Variants in DCPS observed in about 807,000 individuals in gnomAD.
DCPS encodes m7GpppX diphosphatase.
DCPS carries 27 observed loss-of-function variants against 34.7 expected under a neutral mutation model. The observed-to-expected ratio is 0.78, with a 90% CI of 0.57 to 1.07. The LOEUF is 1.07. Among genes scored for constraint, DCPS ranks in the 50% least tolerant of loss-of-function variants. The pLI is 0.00. For synonymous variants in DCPS, 185 were observed against 185.7 expected, an observed-to-expected ratio of 1.00 and a Z score of 0.03; for missense variants, 464 against 436.9, an observed-to-expected ratio of 1.06 and a Z score of -0.55.
intron 2 of DCPS, among the ~76,000 whole-genome samples, chr11:126,309,852 C>G (rs1434870976): frequency 1.3e-5 from 2 of 152,194 alleles, no homozygotes; most frequent in African/African-American, 4.8e-5. Context: ...TCTCTGTCTC[C>G]TCTTCTTCTT....
chr11:126,349,843 G>A lies in DCPS; in HGVS notation c.*4230G>A, dbSNP rs1040739904. Among the ~76,000 whole-genome samples, 1 of 152,152 alleles carries A rather than the reference G, an allele frequency of 6.6e-6. No individual in the cohort carries two copies. Among genetic ancestry groups the A allele is most frequent in the African/African-American group, 2.4e-5 (1 of 41,428 alleles). ...AATAAATGTTGGCAACCCTAAGTTT[G>A]TTCTATTATAATATTATTGAAATTA... is the stretch of plus-strand genomic sequence containing the variant. On this transcript the variant is annotated 3_prime_UTR_variant, in exon 6 of 6. Coordinates refer to ENST00000263579, the MANE Select transcript of DCPS (RefSeq NM_014026.6). The surrounding 1 kb of genome is among the most constrained non-coding windows in gnomAD (Gnocchi z 5.4).
At position 126,348,121 on chromosome 11, in the gene DCPS, A is replaced by G. The variant is rs1436828480; in HGVS notation, c.*2508A>G. Among the ~76,000 whole-genome samples, 1 of 152,188 alleles carries G rather than the reference A, an allele frequency of 6.6e-6. No homozygotes were observed. The highest frequency in any genetic ancestry group is 2.4e-5 in the African/African-American group (1 of 41,462). ...GTTTGAGGGGCAAGAGAGATGGGAC[A>G]GAGTTCACCCAACAGGACAGACGAG... On this transcript the variant is annotated 3_prime_UTR_variant, in exon 6 of 6. Transcript: ENST00000263579. This position sits in a 1 kb window ranked among gnomAD's most constrained non-coding sequence, Gnocchi z 5.3.
At position 126,345,402 on chromosome 11, in the gene DCPS, A is replaced by C; in HGVS notation, c.803A>C (p.His268Pro). The C allele has an allele frequency of 6.2e-7, 1 of 1,614,198 alleles. No homozygotes were observed. The highest frequency in any genetic ancestry group is 8.5e-7 in the Non-Finnish European group (1 of 1,180,022). ...MKGDHLRVYL[H>P]YLPSYYHLHV... ...GGAGACCATCTGCGAGTATACCTGC[A>C]CTACCTGCCCTCCTACTACCACCTG... Residue 268 changes from histidine to proline, a missense_variant, in exon 6 of 6, where the codon CAC becomes CCC. Transcript: ENST00000263579. The surrounding 1 kb of genome is among the most constrained non-coding windows in gnomAD (Gnocchi z 7.4).
In DCPS at chr11:126,344,800, G is replaced by C. The variant is rs535369089; in HGVS notation, c.748-547G>C. 2.1e-4 allele frequency among the ~76,000 whole-genome samples: 32 copies of C among 152,258 alleles called. No individual in the cohort carries two copies. Among genetic ancestry groups the C allele is most frequent in the African/African-American group, 7.7e-4 (32 of 41,554 alleles). On this transcript the variant is annotated intron_variant, in intron 5 of 5. Transcript: ENST00000263579. The surrounding 1 kb of genome is among the most constrained non-coding windows in gnomAD (Gnocchi z 8.1). Reference sequence around the variant, plus strand: ...CAAGGAGCCCGCTGAGACTTCGCCAGGTCTGTGTGGGAGCAGCCCCTCCCA... The same window carrying C: ...CAAGGAGCCCGCTGAGACTTCGCCACGTCTGTGTGGGAGCAGCCCCTCCCA...
intron 2 of DCPS, among the ~76,000 whole-genome samples, chr11:126,308,253 CA>C (rs1951589874): frequency 6.6e-6 from 1 of 152,196 alleles, no homozygotes. Flanking sequence ...TCCTTCCAAC[CA>C]GCAAATTCTG....
intron 1 of DCPS, among the ~76,000 whole-genome samples, chr11:126,305,242 T>C (rs1354203223): frequency 6.6e-6 from 1 of 151,976 alleles, no homozygotes; most frequent in African/African-American, 2.4e-5. Flanking sequence ...GCCTGCCCAA[T>C]AGCTGGGATT....
Position 126,344,443 on chromosome 11 carries a change from G to A in DCPS, c.748-904G>A, listed in dbSNP as rs950122458. Among the ~76,000 whole-genome samples, 8 of 152,200 alleles carry A rather than the reference G, an allele frequency of 5.3e-5. No individual in the cohort carries two copies. The highest frequency in any genetic ancestry group is 1.0e-4 in the Non-Finnish European group (7 of 68,038). On this transcript the variant is annotated intron_variant, in intron 5 of 5. Coordinates refer to ENST00000263579, the MANE Select transcript of DCPS (RefSeq NM_014026.6). The surrounding 1 kb of genome is among the most constrained non-coding windows in gnomAD (Gnocchi z 8.1). ...CACTTTGACCTGCCCTAGCAGCTCA[G>A]ACAGCTCCACCCTGGCAGACAGACC...
At chr11:126,311,401 G>A (rs537687584) in intron 2 of DCPS, among the ~76,000 whole-genome samples, 9 of 152,362 alleles carry the variant, frequency 5.9e-5, no homozygotes, top group African/African-American at 2.2e-4. Flanking sequence ...TCTAGTAGAA[G>A]CAAGGTCTGT....
At chr11:126,310,654 T>G (rs577085017) in intron 2 of DCPS, among the ~76,000 whole-genome samples, 1 of 149,498 alleles carries the variant, frequency 6.7e-6, no homozygotes, top group East Asian at 2.0e-4. Context: ...GGGCTGGGCA[T>G]TCCACAGCCA....
chr11:126,318,421 C>G (rs1951679238), intron 2 of DCPS, among the ~76,000 whole-genome samples: 1 of 152,224 alleles, frequency 6.6e-6, no homozygotes, highest in Non-Finnish European at 1.5e-5. Flanking sequence ...TTCCCTCCAC[C>G]CTCTGGCCTG....
chr11:126,340,502 C>T (rs1296739879), intron 4 of DCPS, among the ~76,000 whole-genome samples: 1 of 152,138 alleles, frequency 6.6e-6, no homozygotes, highest in Non-Finnish European at 1.5e-5. Context: ...TCTTACTTGA[C>T]TTTTGATGAT....
In DCPS at chr11:126,333,730, G is replaced by A. The variant is rs555569207; in HGVS notation, c.522+2180G>A. On this transcript the variant is annotated intron_variant, in intron 3 of 5. Transcript: ENST00000263579. This position sits in a 1 kb window ranked among gnomAD's most constrained non-coding sequence, Gnocchi z 5.7. Reference sequence around the variant, plus strand: ...AGGCAGGGGCCAGGCGGAGGCACGTGGACTTTGTCCAGGGGGCCAGGAGTT... The same window carrying A: ...AGGCAGGGGCCAGGCGGAGGCACGTAGACTTTGTCCAGGGGGCCAGGAGTT... 3.1e-4 allele frequency among the ~76,000 whole-genome samples: 47 copies of A among 152,330 alleles called. No individual in the cohort carries two copies. Among genetic ancestry groups the A allele is most frequent in the African/African-American group, 1.1e-3 (46 of 41,578 alleles).
chr11:126,345,313 G>A lies in DCPS; in HGVS notation c.748-34G>A, dbSNP rs765472444. On this transcript the variant is annotated intron_variant, in intron 5 of 5. Coordinates refer to ENST00000263579, the MANE Select transcript of DCPS (RefSeq NM_014026.6). The surrounding 1 kb of genome is among the most constrained non-coding windows in gnomAD (Gnocchi z 7.4). The stretch of plus-strand genomic sequence containing the variant: ...ATGGCGCCGGGCCTCAGGCAGCACG[G>A]TGACTCCTGACCTGCCTGCCCCTGT... 2 of 1,610,120 alleles carry A rather than the reference G, an allele frequency of 1.2e-6. No homozygotes were observed. Among genetic ancestry groups the A allele is most frequent in the East Asian group, 2.2e-5 (1 of 44,836 alleles).
chr11:126,317,742 C>G (rs1951672937), intron 2 of DCPS, among the ~76,000 whole-genome samples: 4 of 152,210 alleles, frequency 2.6e-5, no homozygotes, highest in African/African-American at 9.7e-5. Flanking sequence ...TTATTGTGGT[C>G]TGGTCTGCTC....
intron 4 of DCPS, among the ~76,000 whole-genome samples, chr11:126,340,327 T>TA (rs1174402628): frequency 1.4e-5 from 2 of 144,002 alleles, no homozygotes; most frequent in Non-Finnish European, 3.0e-5. Context: ...TGCTTAATTC[T>TA]TTTTTTTTTT....
In DCPS at chr11:126,349,956, G is replaced by A. The variant is rs1014948530; in HGVS notation, c.*4343G>A. ...AGCAGGAATGAAATCTGTTTCAAGC[G>A]TTTCAATTTCAATACAATTTAATAA... On this transcript the variant is annotated 3_prime_UTR_variant, in exon 6 of 6. Coordinates refer to ENST00000263579, the MANE Select transcript of DCPS (RefSeq NM_014026.6). This position sits in a 1 kb window ranked among gnomAD's most constrained non-coding sequence, Gnocchi z 5.4. Among the ~76,000 whole-genome samples the A allele has an allele frequency of 9.9e-5, 15 of 152,238 alleles. No individual in the cohort carries two copies. Among genetic ancestry groups the A allele is most frequent in the African/African-American group, 2.4e-4 (10 of 41,534 alleles).
chr11:126,338,320 C>A lies in DCPS; in HGVS notation c.557C>A (p.Ala186Glu). 6.2e-7 allele frequency: 1 copy of A among 1,614,130 alleles called. No individual in the cohort carries two copies. Among genetic ancestry groups the A allele is most frequent in the South Asian group, 1.1e-5 (1 of 91,078 alleles). The part of the protein sequence containing the change: ...VYNILDKKAE[A>E]DRIVFENPDP... ...AACATTCTCGACAAGAAGGCTGAAG[C>A]GGACCGGATTGTTTTCGAGAACCCA... is the stretch of plus-strand genomic sequence containing the variant. Residue 186 changes from alanine (A) to glutamate (E), a missense_variant, in exon 4 of 6, where the codon GCG becomes GAG. Coordinates refer to ENST00000263579, the MANE Select transcript of DCPS (RefSeq NM_014026.6). This position sits in a 1 kb window ranked among gnomAD's most constrained non-coding sequence, Gnocchi z 5.4.
chr11:126,323,789 T>C lies in DCPS; in HGVS notation c.377-7616T>C, dbSNP rs545155048. Among the ~76,000 whole-genome samples the C allele has an allele frequency of 6.6e-6, 1 of 152,184 alleles. No homozygotes were observed. The highest frequency in any genetic ancestry group is 2.4e-5 in the African/African-American group (1 of 41,446). ...CCTGGGCTCAGGTGATCCAAAGTGC[T>C]AGGATTATAGGCATGAGCCACCAAA... On this transcript the variant is annotated intron_variant, in intron 2 of 5. Coordinates refer to ENST00000263579, the MANE Select transcript of DCPS (RefSeq NM_014026.6). The surrounding 1 kb of genome is among the most constrained non-coding windows in gnomAD (Gnocchi z 4.4).
chr11:126,319,128 G>T lies in DCPS; in HGVS notation c.377-12277G>T, dbSNP rs536064152. On this transcript the variant is annotated intron_variant, in intron 2 of 5. Coordinates refer to ENST00000263579, the MANE Select transcript of DCPS (RefSeq NM_014026.6). This position sits in a 1 kb window ranked among gnomAD's most constrained non-coding sequence, Gnocchi z 4.5. ...GCACATCAGCCTGCTCATCTGAGTT[G>T]CAGAGAGAAGGAACATATGCCTAGA... Among the ~76,000 whole-genome samples, 79 of 152,276 alleles carry T rather than the reference G, an allele frequency of 5.2e-4. No individual in the cohort carries two copies. The highest frequency in any genetic ancestry group is 1.9e-3 in the African/African-American group (77 of 41,558).
Sources: gnomAD v4.1 joint callset for allele counts (sites outside exome capture counted in the v4.1 genomes callset) on GRCh38, gnomAD v4.1.1 for gene constraint, Gnocchi (gnomAD v3.1) non-coding constraint, MANE v1.5 for transcripts, NCBI Gene and HGNC (gene_info 2026-07-23, HGNC 2026-07-21) for gene names.